Variants in SAMD12 observed in about 807,000 individuals in gnomAD.
SAMD12 encodes the protein sterile alpha motif domain containing 12.
A neutral mutation model predicts 15.0 loss-of-function variants in SAMD12; 9 were observed. That is an observed-to-expected ratio of 0.60 (90% CI 0.36 to 1.05). The LOEUF (loss-of-function observed/expected upper bound fraction) is 1.05. SAMD12 is among the 50% of genes least tolerant of loss of function. The pLI is 0.01. For missense variants in SAMD12, 230 were observed against 234.2 expected (o/e 0.98, Z 0.12); for synonymous variants, 86 against 90.1 (o/e 0.96, Z 0.25).
At chr8:118,591,006 C>T (rs567890897) in intron 1 of SAMD12, among the ~76,000 whole-genome samples, 8 of 152,164 alleles carry the variant, frequency 5.3e-5, no homozygotes, top group African/African-American at 1.9e-4. Context: ...ATAAAAAGCT[C>T]AGGTGGATAG....
At chr8:118,384,714 G>C (rs774621193) in intron 3 of SAMD12, among the ~76,000 whole-genome samples, 26 of 152,178 alleles carry the variant, frequency 1.7e-4, no homozygotes, top group Non-Finnish European at 2.8e-4. Context: ...GGGATATGCA[G>C]AAGAATAAAC....
intron 2 of SAMD12, among the ~76,000 whole-genome samples, chr8:118,448,442 A>T (rs1015137286): frequency 2.6e-5 from 4 of 152,320 alleles, no homozygotes; most frequent in Non-Finnish European, 5.9e-5. Context: ...GAATCTCAAA[A>T]TTTAGAACAG....
At chr8:118,479,062 C>A (rs1824046349) in intron 2 of SAMD12, among the ~76,000 whole-genome samples, 1 of 145,402 alleles carries the variant, frequency 6.9e-6, no homozygotes, top group African/African-American at 2.8e-5. Flanking sequence ...GCATTGGCTC[C>A]CCATTTCTCT....
chr8:118,229,964 T>C (rs974215548), intron 4 of SAMD12, among the ~76,000 whole-genome samples: 4 of 151,952 alleles, frequency 2.6e-5, no homozygotes, highest in Admixed American at 6.6e-5. Flanking sequence ...GTGATCTGTC[T>C]ATGAGAGAAG....
chr8:118,217,013 C>CT (rs1023904906), intron 4 of SAMD12, among the ~76,000 whole-genome samples: 13 of 151,416 alleles, frequency 8.6e-5, no homozygotes, highest in African/African-American at 1.9e-4. Context: ...TGGTCTCTAC[C>CT]TTTTTTTTTG....
At chr8:118,517,686 G>C (rs986693018) in intron 2 of SAMD12, among the ~76,000 whole-genome samples, 6 of 152,170 alleles carry the variant, frequency 3.9e-5, no homozygotes, top group African/African-American at 1.2e-4. Context: ...ACACACATTA[G>C]GTGGCTTCCA....
chr8:118,446,274 T>C (rs1367710517), intron 2 of SAMD12, among the ~76,000 whole-genome samples: 1 of 151,788 alleles, frequency 6.6e-6, no homozygotes, highest in African/African-American at 2.4e-5. Context: ...CCACACTGAA[T>C]ATTATTAATG....
chr8:118,145,769 T>A, the SAMD12 span, among the ~76,000 whole-genome samples: 2 of 152,186 alleles, frequency 1.3e-5, no homozygotes, highest in African/African-American at 4.8e-5. Flanking sequence ...AATGCAGATC[T>A]GATGAAGTCT....
chr8:118,394,725 A>G (rs886700464), intron 3 of SAMD12: 1 of 152,198 alleles, frequency 6.6e-6, no homozygotes, highest in African/African-American at 2.4e-5. Context: ...GGTGCCAATG[A>G]CTGTGGAACT....
downstream of SAMD12, among the ~76,000 whole-genome samples, chr8:118,373,467 C>A (rs747669208): frequency 6.6e-6 from 1 of 152,046 alleles, no homozygotes; most frequent in South Asian, 2.1e-4. Flanking sequence ...ATAGCTAGTC[C>A]GTACATATAG....
At chr8:118,277,670 C>T (rs1477747328) in intron 4 of SAMD12, among the ~76,000 whole-genome samples, 2 of 151,586 alleles carry the variant, frequency 1.3e-5, no homozygotes. Flanking sequence ...CTAAAAAATA[C>T]TTTCTGTCCA....
At chr8:118,455,833 C>A (rs1279402690) in intron 2 of SAMD12, among the ~76,000 whole-genome samples, 1 of 128,588 alleles carries the variant, frequency 7.8e-6, no homozygotes, top group Non-Finnish European at 1.6e-5. Flanking sequence ...TACATACATA[C>A]ATGTACATAC....
intron 2 of SAMD12, among the ~76,000 whole-genome samples, chr8:118,552,114 A>T (rs1826357589): frequency 6.6e-6 from 1 of 152,192 alleles, no homozygotes; most frequent in African/African-American, 2.4e-5. Context: ...AGGAACTGGT[A>T]CCATTCCCTC....
At chr8:118,490,839 C>T (rs1276460408) in intron 2 of SAMD12, among the ~76,000 whole-genome samples, 1 of 152,022 alleles carries the variant, frequency 6.6e-6, no homozygotes, top group Non-Finnish European at 1.5e-5. Flanking sequence ...AGTTTATCTG[C>T]ACGGTTACAC....
chr8:118,549,775 T>G (rs996299478), intron 2 of SAMD12, among the ~76,000 whole-genome samples: 1 of 152,028 alleles, frequency 6.6e-6, no homozygotes, highest in Non-Finnish European at 1.5e-5. Context: ...AGTTAAAAAC[T>G]TTGAAAAAAA....
intron 2 of SAMD12, among the ~76,000 whole-genome samples, chr8:118,554,147 T>C (rs1417731598): frequency 3.3e-5 from 5 of 152,018 alleles, no homozygotes; most frequent in Non-Finnish European, 5.9e-5. Flanking sequence ...GATCTAGAAC[T>C]AGAAATACCA....
chr8:118,468,364 C>T (rs936162953), intron 2 of SAMD12, among the ~76,000 whole-genome samples: 1 of 152,136 alleles, frequency 6.6e-6, no homozygotes, highest in African/African-American at 2.4e-5. Context: ...AAACCCACTC[C>T]TCTTGGCAGC....
Position 118,331,488 on chromosome 8 carries a change from A to G in SAMD12, c.433+48072T>C, listed in dbSNP as rs1816803739. On this transcript the variant is annotated intron_variant, in intron 4 of 4. Transcript: ENST00000409003. ...AGGGCCCCTGGAAAACAAGATACCA[A>G]TGACATTTGTCTATGCGGTTTTCAG... Among the ~76,000 whole-genome samples the G allele has an allele frequency of 2.0e-5, 3 of 152,332 alleles. No homozygotes were observed. In the South Asian group the frequency reaches 6.2e-4, roughly 32 times the overall value.
At chr8:118,447,682 ATT>A (rs995529163) in intron 2 of SAMD12, among the ~76,000 whole-genome samples, 1 of 143,912 alleles carries the variant, frequency 6.9e-6, no homozygotes, top group African/African-American at 2.7e-5. Context: ...CTTTCATTTT[ATT>A]TTTTTATTTT....
Sources: allele counts gnomAD v4.1 joint callset (sites outside exome capture counted in the v4.1 genomes callset), GRCh38; gene constraint gnomAD v4.1.1; transcripts MANE v1.5; gene names NCBI Gene and HGNC (gene_info 2026-07-23, HGNC 2026-07-21).